MTCL3: variants seen among roughly 807,000 people sequenced by gnomAD.
The protein encoded by MTCL3 is microtubule cross-linking factor 3.
At chr6:127,519,038 G>C in the MTCL3 span, 2 of 151,870 alleles carry the variant, frequency 1.3e-5, no homozygotes, top group Non-Finnish European at 2.9e-5. Flanking sequence ...AAGGCGGGGA[G>C]GGGGACGGGG....
chr6:127,512,754 T>C, the MTCL3 span: 1 of 716,044 alleles, frequency 1.4e-6, no homozygotes, highest in Non-Finnish European at 2.2e-6. Flanking sequence ...AAATCATGTA[T>C]TTTTTACTAT....
At chr6:127,493,127 C>A in the MTCL3 span, among the ~76,000 whole-genome samples, 1 of 152,112 alleles carries the variant, frequency 6.6e-6, no homozygotes, top group Non-Finnish European at 1.5e-5. Flanking sequence ...TTTTAGCAAA[C>A]TTTGTTTATC....
At chr6:127,474,252 A>G in the MTCL3 span, among the ~76,000 whole-genome samples, 1 of 151,820 alleles carries the variant, frequency 6.6e-6, no homozygotes, top group African/African-American at 2.4e-5. Flanking sequence ...ACCAGTAGTT[A>G]TCCATCAGTT....
chr6:127,493,184 A>G, the MTCL3 span, among the ~76,000 whole-genome samples: 2 of 152,204 alleles, frequency 1.3e-5, no homozygotes, highest in African/African-American at 4.8e-5. Context: ...CAATAACTTT[A>G]AATATTCCAA....
chr6:127,480,596 G>A, the MTCL3 span, among the ~76,000 whole-genome samples: 1 of 152,200 alleles, frequency 6.6e-6, no homozygotes. Flanking sequence ...AGACATGGGA[G>A]TATTTAAAAG....
the MTCL3 span, among the ~76,000 whole-genome samples, chr6:127,481,707 G>T: frequency 6.6e-6 from 1 of 152,082 alleles, no homozygotes; most frequent in Non-Finnish European, 1.5e-5. Flanking sequence ...TTAATATCTA[G>T]CCAAGTGCTT....
the MTCL3 span, among the ~76,000 whole-genome samples, chr6:127,490,475 T>C: frequency 6.6e-6 from 1 of 151,890 alleles, no homozygotes. Flanking sequence ...CTGGACAAAG[T>C]AAATTGAAAA....
At chr6:127,482,863 A>G in the MTCL3 span, 1 of 1,352,824 alleles carries the variant, frequency 7.4e-7, no homozygotes, top group Non-Finnish European at 1.0e-6. The surrounding 1 kb of genome is among the most constrained non-coding windows in gnomAD (Gnocchi z 4.1). Flanking sequence ...TTGTGATTAT[A>G]TACACTTAGA....
At chr6:127,501,533 T>C in the MTCL3 span, among the ~76,000 whole-genome samples, 6 of 152,220 alleles carry the variant, frequency 3.9e-5, no homozygotes, top group Non-Finnish European at 1.5e-5. Context: ...TAAGAAACTG[T>C]TACTTTGTGA....
the MTCL3 span, chr6:127,482,842 A>G: frequency 8.6e-7 from 1 of 1,165,132 alleles, no homozygotes; most frequent in Admixed American, 2.6e-5. This position sits in a 1 kb window ranked among gnomAD's most constrained non-coding sequence, Gnocchi z 4.1. Flanking sequence ...ATATCTATTT[A>G]TAAATGTAGT....
At chr6:127,495,226 T>G in the MTCL3 span, among the ~76,000 whole-genome samples, 1 of 151,966 alleles carries the variant, frequency 6.6e-6, no homozygotes, top group Admixed American at 6.6e-5. Context: ...TTTTATATCT[T>G]AGATCCACAG....
At chr6:127,499,608 G>A in the MTCL3 span, among the ~76,000 whole-genome samples, 1 of 152,284 alleles carries the variant, frequency 6.6e-6, no homozygotes, top group East Asian at 1.9e-4. Flanking sequence ...GTATGTTCTG[G>A]ACATGTTATA....
the MTCL3 span, among the ~76,000 whole-genome samples, chr6:127,495,196 CAA>C: frequency 0.23 from 31,330 of 137,290 alleles, 4,855 homozygotes; most frequent in East Asian, 0.64. Context: ...GACTCCATCT[CAA>C]AAAAAAAAAA....
the MTCL3 span, among the ~76,000 whole-genome samples, chr6:127,502,754 G>T: frequency 6.6e-6 from 1 of 152,096 alleles, no homozygotes; most frequent in Non-Finnish European, 1.5e-5. Context: ...AATTTATAAA[G>T]CACCTTCACA....
chr6:127,484,675 T>G, the MTCL3 span, among the ~76,000 whole-genome samples: 1 of 152,172 alleles, frequency 6.6e-6, no homozygotes, highest in African/African-American at 2.4e-5. Context: ...TGATCTTTGC[T>G]CTTTTGGGGG....
chr6:127,481,555 T>TA, the MTCL3 span: 4 of 810,584 alleles, frequency 4.9e-6, no homozygotes, highest in Non-Finnish European at 6.0e-6. Flanking sequence ...TGTTATGCTT[T>TA]AAAAAATGTC....
At chr6:127,513,729 C>G in the MTCL3 span, among the ~76,000 whole-genome samples, 428 of 152,258 alleles carry the variant, frequency 2.8e-3, no homozygotes, top group Admixed American at 5.2e-3. Context: ...TGATTTTGGA[C>G]TGAGTGGAGA....
chr6:127,515,911 C>G, the MTCL3 span: 1 of 1,611,194 alleles, frequency 6.2e-7, no homozygotes, highest in Non-Finnish European at 8.5e-7. The surrounding 1 kb of genome is among the most constrained non-coding windows in gnomAD (Gnocchi z 4.3). Flanking sequence ...AACGCCGCTT[C>G]CGGAGTTTCT....
At chr6:127,501,824 T>A in the MTCL3 span, among the ~76,000 whole-genome samples, 1 of 152,210 alleles carries the variant, frequency 6.6e-6, no homozygotes, top group East Asian at 1.9e-4. Flanking sequence ...TAACTGATCC[T>A]GAAATGTAAA....
Sources: allele counts gnomAD v4.1 joint callset (sites outside exome capture counted in the v4.1 genomes callset), GRCh38; gene constraint gnomAD v4.1.1; non-coding constraint Gnocchi (gnomAD v3.1); transcripts MANE v1.5; gene names NCBI Gene and HGNC (gene_info 2026-07-23, HGNC 2026-07-21).